The following PIEZO2 variants were observed in gnomAD, a reference collection of about 807,000 sequenced individuals.
PIEZO2 encodes the protein piezo-type mechanosensitive ion channel component 2.
A neutral mutation model predicts 337.3 loss-of-function variants in PIEZO2; 172 were observed. The ratio of observed to expected loss-of-function variants is 0.51; its 90% CI spans 0.45 to 0.58. PIEZO2 has a LOEUF of 0.58. PIEZO2 is among the 20% of genes least tolerant of loss of function. PIEZO2 has a pLI of 0.00. For missense variants in PIEZO2, 3,028 were observed against 3,391.3 expected, an observed-to-expected ratio of 0.89 and a Z score of 2.66; for synonymous variants, 1,251 against 1,228.5, an observed-to-expected ratio of 1.02 and a Z score of -0.38.
In PIEZO2 at chr18:10,988,981, T is replaced by C. The variant is rs960547474; in HGVS notation, c.161-9321A>G. On this transcript the variant is annotated intron_variant, in intron 2 of 55. Transcript: ENST00000674853. The surrounding 1 kb of genome is among the most constrained non-coding windows in gnomAD (Gnocchi z 4.8). ...GTCAAAAGGTACAAAGTTTCAGTTA[T>C]GCAAGATAAAGAAGTTCTGAAGATC... is the stretch of plus-strand genomic sequence containing the variant. Among the ~76,000 whole-genome samples the C allele has an allele frequency of 2.0e-5, 3 of 152,110 alleles. No homozygotes were observed. Among genetic ancestry groups the C allele is most frequent in the Non-Finnish European group, 4.4e-5 (3 of 68,002 alleles).
intron 1 of PIEZO2, among the ~76,000 whole-genome samples, chr18:11,100,662 T>C (rs1442803338): frequency 3.9e-5 from 6 of 152,012 alleles, no homozygotes; most frequent in South Asian, 2.1e-4. Context: ...GTGGCACAGT[T>C]TTGGCTCACT....
At chr18:10,749,850 C>T (rs534488462) in intron 29 of PIEZO2, among the ~76,000 whole-genome samples, 1 of 152,094 alleles carries the variant, frequency 6.6e-6, no homozygotes, top group African/African-American at 2.4e-5. Flanking sequence ...ATCTCCAGAC[C>T]CTGACTCCAA....
chr18:11,117,793 G>C (rs2039930758), intron 1 of PIEZO2, among the ~76,000 whole-genome samples: 1 of 152,168 alleles, frequency 6.6e-6, no homozygotes, highest in Non-Finnish European at 1.5e-5. Context: ...GTCTTCAGCG[G>C]GAGCATCACT....
At chr18:10,889,533 C>T (rs1246058432) in intron 4 of PIEZO2, among the ~76,000 whole-genome samples, 1 of 152,180 alleles carries the variant, frequency 6.6e-6, no homozygotes, top group Admixed American at 6.5e-5. Flanking sequence ...GAATAATAAT[C>T]TGCATTTTAC....
rs1174044866 is a variant in PIEZO2 at position 11,021,576 on chromosome 18, C to A, written c.161-41916G>T. 1.3e-5 allele frequency among the ~76,000 whole-genome samples: 2 copies of A among 152,184 alleles called. No individual in the cohort carries two copies. Among genetic ancestry groups the A allele is most frequent in the Non-Finnish European group, 2.9e-5 (2 of 68,038 alleles). The stretch of plus-strand genomic sequence containing the variant: ...CCTTGTGAATTCGTGAGGAGGAACA[C>A]AGTCACCATCGTGAATGAAAACCAC... On this transcript the variant is annotated intron_variant, in intron 2 of 55. Transcript: ENST00000674853. The surrounding 1 kb of genome is among the most constrained non-coding windows in gnomAD (Gnocchi z 4.7).
At chr18:10,941,278 C>T (rs929290417) in intron 3 of PIEZO2, among the ~76,000 whole-genome samples, 3 of 152,162 alleles carry the variant, frequency 2.0e-5, no homozygotes, top group African/African-American at 7.2e-5. Flanking sequence ...CAGGCTCGCA[C>T]TCTAGAATTG....
chr18:10,843,821 C>T (rs923657860), intron 7 of PIEZO2, among the ~76,000 whole-genome samples: 1 of 152,194 alleles, frequency 6.6e-6, no homozygotes. Flanking sequence ...GCTCACTCCA[C>T]ACCCATTAGG....
In PIEZO2 at chr18:10,820,340, G is replaced by T. The variant is rs564934344; in HGVS notation, c.918-13066C>A. ...GTCCTATAGCTTATGTGGTTCAGTGGTTTTTTTTTTTTCTTCCTCAATTTC... is the reference window on the plus strand; with the variant it reads ...GTCCTATAGCTTATGTGGTTCAGTGTTTTTTTTTTTTTCTTCCTCAATTTC... On this transcript the variant is annotated intron_variant, in intron 7 of 55. Transcript: ENST00000674853. 1.7e-4 allele frequency among the ~76,000 whole-genome samples: 25 copies of T among 144,714 alleles called. No homozygotes were observed. The South Asian group carries it at 2.8e-3, about 16-fold the overall frequency. 94.9% of individuals were successfully genotyped at this position (144,714 alleles called of 152,430 possible). A position where few individuals can be genotyped will look rare whatever the true frequency, so the allele number is the denominator to read the frequency against.
chr18:11,024,547 GAA>G (rs569472740), intron 2 of PIEZO2, among the ~76,000 whole-genome samples: 6,678 of 104,010 alleles, frequency 0.064, 473 homozygotes, highest in African/African-American at 0.19. Context: ...CTCTGTCTCA[GAA>G]AAAAAAAAAA....
intron 35 of PIEZO2, among the ~76,000 whole-genome samples, chr18:10,734,360 G>C (rs1598413788): frequency 1.3e-5 from 2 of 152,184 alleles, no homozygotes; most frequent in Admixed American, 6.5e-5. Context: ...CTTCACATGA[G>C]AGTTTGAGGG....
intron 13 of PIEZO2, among the ~76,000 whole-genome samples, chr18:10,793,383 A>G (rs2039475306): frequency 6.6e-6 from 1 of 152,218 alleles, no homozygotes; most frequent in Non-Finnish European, 1.5e-5. Context: ...TTAAAATATA[A>G]GTGCAGAACC....
At position 10,784,795 on chromosome 18, in the gene PIEZO2, G is replaced by A. The variant is rs1045057983; in HGVS notation, c.2481C>T (p.Asn827=). The change falls in exon 17 of 56, where the codon AAC becomes AAT. Residue 827 remains asparagine, a synonymous_variant. Coordinates refer to ENST00000674853, the MANE Select transcript of PIEZO2 (RefSeq NM_001378183.1). The surrounding 1 kb of genome is among the most constrained non-coding windows in gnomAD (Gnocchi z 4.5). ...TTCCAGTGGCTCACCTGTAGATGGT[G>A]TTGTCTTCTTTGCTGGGAATGGACT... ...DLKSIPSKED[N]TIYSHAKVNG... 1 of 1,536,778 alleles carries A rather than the reference G, an allele frequency of 6.5e-7. No homozygotes were observed. The highest frequency in any genetic ancestry group is 8.7e-7 in the Non-Finnish European group (1 of 1,146,446).
chr18:10,677,022 A>G lies in PIEZO2; in HGVS notation c.8081+725T>C, dbSNP rs2034038744. ...TCCCACACCTCCAAATCGCATGAGA[A>G]TCAGCATGATGATTTCTAGTGTGCC... On this transcript the variant is annotated intron_variant, in intron 53 of 55. Coordinates refer to ENST00000674853, the MANE Select transcript of PIEZO2 (RefSeq NM_001378183.1). The surrounding 1 kb of genome is among the most constrained non-coding windows in gnomAD (Gnocchi z 4.1). Among the ~76,000 whole-genome samples the G allele has an allele frequency of 1.3e-5, 2 of 152,160 alleles. No individual in the cohort carries two copies. The highest frequency in any genetic ancestry group is 4.1e-4 in the South Asian group (2 of 4,824).
Position 10,943,707 on chromosome 18 carries a change from A to C in PIEZO2, c.287-32479T>G, listed in dbSNP as rs1489193442. Among the ~76,000 whole-genome samples, 1 of 152,176 alleles carries C rather than the reference A, an allele frequency of 6.6e-6. No homozygotes were observed. Among genetic ancestry groups the C allele is most frequent in the Non-Finnish European group, 1.5e-5 (1 of 68,032 alleles). The stretch of plus-strand genomic sequence containing the variant: ...GACTTTGGGGGACTGTTGGGAAGGC[A>C]TGATTGGTTTTGAAATGTGAAGATA... On this transcript the variant is annotated intron_variant, in intron 3 of 55. Transcript: ENST00000674853. The surrounding 1 kb of genome is among the most constrained non-coding windows in gnomAD (Gnocchi z 4.5).
chr18:10,707,444 C>T lies in PIEZO2; in HGVS notation c.5588+831G>A, dbSNP rs1048121608. 5.9e-5 allele frequency among the ~76,000 whole-genome samples: 9 copies of T among 152,128 alleles called. No individual in the cohort carries two copies. Among genetic ancestry groups the T allele is most frequent in the Non-Finnish European group, 7.4e-5 (5 of 68,026 alleles). ...TACTGCAGGGATGCACCGAGATACA[C>T]GGCTGCCAGTGAAAAGAAGATGCCC... On this transcript the variant is annotated intron_variant, in intron 40 of 55. Transcript: ENST00000674853. The surrounding 1 kb of genome is among the most constrained non-coding windows in gnomAD (Gnocchi z 4.2).
At chr18:10,785,720 T>C (rs1384072697) in intron 16 of PIEZO2, among the ~76,000 whole-genome samples, 1 of 152,138 alleles carries the variant, frequency 6.6e-6, no homozygotes, top group Non-Finnish European at 1.5e-5. Context: ...CCCACTCCTG[T>C]TATCCGTCTC....
intron 3 of PIEZO2, among the ~76,000 whole-genome samples, chr18:10,957,847 G>A (rs1177821164): frequency 6.6e-6 from 1 of 152,110 alleles, no homozygotes; most frequent in East Asian, 1.9e-4. Context: ...GATTAAAAAC[G>A]GGCGAAGAAT....
chr18:11,044,928 T>A (rs563641755), intron 2 of PIEZO2, among the ~76,000 whole-genome samples: 1 of 152,148 alleles, frequency 6.6e-6, no homozygotes, highest in Non-Finnish European at 1.5e-5. Context: ...GTGGGAGGAC[T>A]GCTTGAGCCC....
intron 3 of PIEZO2, among the ~76,000 whole-genome samples, chr18:10,936,753 A>T (rs894758804): frequency 2.6e-5 from 4 of 152,242 alleles, no homozygotes; most frequent in Non-Finnish European, 4.4e-5. Flanking sequence ...AGAGATAAGA[A>T]AAACAAAATA....
Sources: gnomAD v4.1 joint callset for allele counts (sites outside exome capture counted in the v4.1 genomes callset) on GRCh38, gnomAD v4.1.1 for gene constraint, Gnocchi (gnomAD v3.1) non-coding constraint, MANE v1.5 for transcripts, NCBI Gene and HGNC (gene_info 2026-07-23, HGNC 2026-07-21) for gene names.